FAM220A: variants seen among roughly 807,000 people sequenced by gnomAD.
The protein encoded by FAM220A is family with sequence similarity 220 member A.
For synonymous variants in FAM220A, 141 were observed against 130.7 expected (o/e 1.08, Z -0.54); for missense variants, 392 against 321.6 (o/e 1.22, Z -1.68).
At chr7:6,333,792 A>G (rs1781687165) in intron 1 of FAM220A, among the ~76,000 whole-genome samples, 1 of 147,376 alleles carries the variant, frequency 6.8e-6, no homozygotes, top group African/African-American at 2.5e-5. Flanking sequence ...TTTTTAATAG[A>G]GACAGGGTCT....
intron 1 of FAM220A, among the ~76,000 whole-genome samples, chr7:6,333,032 C>A (rs1224722659): frequency 6.6e-6 from 1 of 151,918 alleles, no homozygotes; most frequent in East Asian, 1.9e-4. Flanking sequence ...TGGCGGGTGC[C>A]TGTAATCCCA....
chr7:6,341,687 CAAAA>C (rs536695454), intron 1 of FAM220A, among the ~76,000 whole-genome samples: 1 of 110,730 alleles, frequency 9.0e-6, no homozygotes. Context: ...AAGACTCTGT[CAAAA>C]AAAAAAAAAA....
At chr7:6,334,795 A>T (rs1169586848) in intron 1 of FAM220A, among the ~76,000 whole-genome samples, 2 of 118,870 alleles carry the variant, frequency 1.7e-5, no homozygotes, top group East Asian at 5.0e-4. Context: ...TTTGAAATGG[A>T]GTTTCACTCG....
chr7:6,331,025 G>C lies in FAM220A; in HGVS notation c.130C>G (p.Pro44Ala). 8 of 1,614,086 alleles carry C rather than the reference G, an allele frequency of 5.0e-6. No individual in the cohort carries two copies. The highest frequency in any genetic ancestry group is 1.1e-5 in the South Asian group (1 of 91,092). Residue 44 changes from proline to alanine, a missense_variant, in exon 2 of 2, where the codon CCC (proline) becomes GCC (alanine). Physicochemically the swap from Pro to Ala is conservative, Grantham distance 27 (BLOSUM62 -1). Coordinates refer to ENST00000313324, the MANE Select transcript of FAM220A (RefSeq NM_001037163.2). ...MPEGPWPADAPSWMNKPVVDG... is the reference protein window; with the variant it reads ...MPEGPWPADAASWMNKPVVDG... ...ACCACAGGCTTATTCATCCAGGAGGGTGCATCTGCAGGCCAAGGGCCCTCC... is the reference window on the plus strand; with the variant it reads ...ACCACAGGCTTATTCATCCAGGAGGCTGCATCTGCAGGCCAAGGGCCCTCC...
At chr7:6,342,646 C>A (rs1162015426) in intron 1 of FAM220A, among the ~76,000 whole-genome samples, 2 of 152,126 alleles carry the variant, frequency 1.3e-5, no homozygotes, top group African/African-American at 2.4e-5. Context: ...CCACACAAAG[C>A]TTACATGCAA....
chr7:6,337,684 G>A (rs981899536), intron 1 of FAM220A, among the ~76,000 whole-genome samples: 1 of 151,178 alleles, frequency 6.6e-6, no homozygotes, highest in Non-Finnish European at 1.5e-5. Flanking sequence ...CATTTAATAA[G>A]GTAAACATGT....
At chr7:6,340,595 T>C (rs1217256981) in intron 1 of FAM220A, among the ~76,000 whole-genome samples, 1 of 151,808 alleles carries the variant, frequency 6.6e-6, no homozygotes, top group African/African-American at 2.4e-5. Flanking sequence ...GGAGGGCAGG[T>C]TGACAATGAC....
Position 6,330,448 on chromosome 7 carries a change from T to A in FAM220A, c.707A>T (p.Asp236Val). 2 of 1,614,202 alleles carry A rather than the reference T, an allele frequency of 1.2e-6. No individual in the cohort carries two copies. The highest frequency in any genetic ancestry group is 1.7e-6 in the Non-Finnish European group (2 of 1,180,038). Residue 236 changes from aspartate (D) to valine (V), a missense_variant, in exon 2 of 2, where the codon GAT becomes GTT. Asp to Val is a radical substitution (Grantham distance 152, BLOSUM62 -3). Coordinates refer to ENST00000313324, the MANE Select transcript of FAM220A (RefSeq NM_001037163.2). ...TAACCCCAGTGTTATCTGCAGACCA[T>A]CTGAGGTGCTTTTAAGCATTTTCTT... The part of the protein sequence containing the change: ...EFKKMLKSTS[D>V]GLQITLGLLA...
At chr7:6,331,334 T>C (rs1781630618) in intron 1 of FAM220A, 99 bp from the exon 2 acceptor site, 1 of 650,240 alleles carries the variant, frequency 1.5e-6, no homozygotes, top group Non-Finnish European at 2.6e-6. Flanking sequence ...CTGAGATCTT[T>C]ATGACAGTCT....
At chr7:6,331,600 T>C (rs926669216) in intron 1 of FAM220A, among the ~76,000 whole-genome samples, 16 of 152,058 alleles carry the variant, frequency 1.1e-4, no homozygotes, top group Non-Finnish European at 2.4e-4. Context: ...TGGGATGGTC[T>C]CCATCTCCTG....
chr7:6,342,809 G>C (rs1781888124), intron 1 of FAM220A, among the ~76,000 whole-genome samples: 1 of 152,088 alleles, frequency 6.6e-6, no homozygotes, highest in Non-Finnish European at 1.5e-5. Context: ...GGCTGAGGCA[G>C]GAGGATTAGT....
chr7:6,334,195 T>C (rs1417736834), intron 1 of FAM220A, among the ~76,000 whole-genome samples: 1 of 151,582 alleles, frequency 6.6e-6, no homozygotes, highest in Non-Finnish European at 1.5e-5. Flanking sequence ...CCTGAGTAGC[T>C]GGGATTACAG....
chr7:6,343,464 A>T (rs1353571865), intron 1 of FAM220A, among the ~76,000 whole-genome samples: 1 of 140,052 alleles, frequency 7.1e-6, no homozygotes, highest in Admixed American at 7.4e-5. Flanking sequence ...ACTAAGAAAC[A>T]CTTCGTTCTT....
intron 1 of FAM220A, among the ~76,000 whole-genome samples, chr7:6,343,517 A>T (rs567357955): frequency 6.7e-6 from 1 of 148,864 alleles, no homozygotes; most frequent in East Asian, 1.9e-4. Flanking sequence ...ATGACTTGTT[A>T]AATTATAGCA....
rs75728414 is a variant in FAM220A, at chr7:6,346,078, T to G, written c.-82+2495A>C. On this transcript the variant is annotated intron_variant, in intron 1 of 1. Transcript: ENST00000313324. ...GACACCATGCCCAGCCAAAGTTTGT[T>G]TTTTAAAAATCCGGATTGGAAATCT... Among the ~76,000 whole-genome samples the G allele has an allele frequency of 6.7e-3, 1,025 of 152,156 alleles. 9 individuals carry two copies. Among genetic ancestry groups the G allele is most frequent in the Middle Eastern group, 0.014 (4 of 294 alleles).
At chr7:6,336,627 T>C (rs1337814449) in intron 1 of FAM220A, among the ~76,000 whole-genome samples, 2 of 149,948 alleles carry the variant, frequency 1.3e-5, no homozygotes, top group Non-Finnish European at 2.9e-5. Flanking sequence ...GAGGCTGCCG[T>C]GAGCCAAGAT....
chr7:6,331,359 C>T (rs962155051), intron 1 of FAM220A, 124 bp from the exon 2 acceptor site: 3 of 617,714 alleles, frequency 4.9e-6, no homozygotes, highest in Non-Finnish European at 8.4e-6. Flanking sequence ...TACAGGGTTT[C>T]ACCATATTGG....
rs964370494 is a variant in FAM220A, at chr7:6,330,048, A to C, written c.*327T>G. ...CAAAAGGACACACAGGATTTGGGAC[A>C]GTAGCCCTTTAGAATGGATGTTGAA... On this transcript the variant is annotated 3_prime_UTR_variant, in exon 2 of 2. Transcript: ENST00000313324. The C allele has an allele frequency of 5.7e-5, 17 of 299,200 alleles. No homozygotes were observed. Among genetic ancestry groups the C allele is most frequent in the African/African-American group, 3.4e-4 (15 of 44,290 alleles). 18.5% of individuals were successfully genotyped at this position (299,200 alleles called of 1,614,324 possible).
intron 1 of FAM220A, among the ~76,000 whole-genome samples, chr7:6,332,657 C>T (rs907315812): frequency 1.2e-4 from 18 of 152,090 alleles, no homozygotes; most frequent in Middle Eastern, 3.4e-3. Flanking sequence ...GAGATCGAGT[C>T]ACTCTGCCCT....
Sources: allele counts gnomAD v4.1 joint callset (sites outside exome capture counted in the v4.1 genomes callset), GRCh38; gene constraint gnomAD v4.1.1; transcripts MANE v1.5; gene names NCBI Gene and HGNC (gene_info 2026-07-23, HGNC 2026-07-21).